Variants in POLR2B observed in about 807,000 individuals in gnomAD.
POLR2B encodes the protein RNA polymerase II subunit B.
Under a neutral mutation model 144.6 loss-of-function variants are expected in POLR2B, and 57 were observed. The ratio of observed to expected loss-of-function variants is 0.39; its 90% CI spans 0.32 to 0.49. The LOEUF is 0.49. Ranked by LOEUF, POLR2B falls within the 20% of genes least tolerant of loss-of-function variation. The pLI is 0.83. For synonymous variants in POLR2B, 442 were observed against 469.8 expected, an observed-to-expected ratio of 0.94 and a Z score of 0.77; for missense variants, 595 against 1,467.4, an observed-to-expected ratio of 0.41 and a Z score of 9.71.
rs773685110 is a variant in POLR2B, at chr4:57,023,599, A to G, written c.2766+19A>G. The G allele has an allele frequency of 6.2e-7, 1 of 1,612,572 alleles. No homozygotes were observed. The highest frequency in any genetic ancestry group is 8.5e-7 in the Non-Finnish European group (1 of 1,178,942). Reference sequence around the variant, plus strand: ...AATAAGGGTGAGTACAACTTTGTTCATGTAGCTAGTTTTAGAAAGTAAACC... The same window carrying G: ...AATAAGGGTGAGTACAACTTTGTTCGTGTAGCTAGTTTTAGAAAGTAAACC... On this transcript the variant is annotated intron_variant, in intron 19 of 24. Transcript: ENST00000314595. This position sits in a 1 kb window ranked among gnomAD's most constrained non-coding sequence, Gnocchi z 4.3.
chr4:57,016,788 A>G (rs1723381356), intron 14 of POLR2B, among the ~76,000 whole-genome samples: 1 of 149,824 alleles, frequency 6.7e-6, no homozygotes, highest in African/African-American at 2.4e-5. Flanking sequence ...TCACAAGTAT[A>G]TACTGGTAAC....
intron 1 of POLR2B, 123 bp downstream of exon 1, chr4:56,979,127 C>T: frequency 9.9e-7 from 1 of 1,006,952 alleles, no homozygotes; most frequent in Non-Finnish European, 1.6e-6. Flanking sequence ...AGCCTTGTTC[C>T]CACACTTACC....
chr4:56,985,417 T>TC (rs1051122447), intron 1 of POLR2B: 36 of 983,892 alleles, frequency 3.7e-5, no homozygotes, highest in Admixed American at 2.5e-4. Flanking sequence ...GGGATGGCAC[T>TC]CCCCCCCGCC....
chr4:57,008,543 A>C (rs1186319321), intron 10 of POLR2B, among the ~76,000 whole-genome samples: 2 of 152,008 alleles, frequency 1.3e-5, no homozygotes, highest in African/African-American at 2.4e-5. Context: ...TGTGCCAGGC[A>C]CTCTGCCACA....
intron 13 of POLR2B, among the ~76,000 whole-genome samples, chr4:57,012,209 A>G (rs1391394265): frequency 2.6e-5 from 4 of 152,136 alleles, no homozygotes; most frequent in Non-Finnish European, 5.9e-5. Context: ...GTTTGAGACC[A>G]GCCTGGCCAA....
rs370141611 is a variant in POLR2B at position 56,990,935 on chromosome 4, C to T, written c.243+37C>T. The T allele has an allele frequency of 1.6e-5, 25 of 1,544,516 alleles. No individual in the cohort carries two copies. The African/African-American group carries it at 1.7e-4, about 10-fold the overall frequency. On this transcript the variant is annotated intron_variant, in intron 3 of 24. Transcript: ENST00000314595. ...CTAATAGTTACACAGGTACAAGAAG[C>T]GTATTGGTTTGAAATTTTAGCCCTT... is the stretch of plus-strand genomic sequence containing the variant.
chr4:56,996,632 T>C (rs1282766091), intron 6 of POLR2B, among the ~76,000 whole-genome samples: 1 of 152,134 alleles, frequency 6.6e-6, no homozygotes, highest in Admixed American at 6.6e-5. Context: ...ATGTGATATT[T>C]TGATACGTGT....
At chr4:57,006,770 G>A (rs774374447) in intron 9 of POLR2B, 46 bp from the exon 10 acceptor site, 2 of 1,436,392 alleles carry the variant, frequency 1.4e-6, no homozygotes, top group Non-Finnish European at 1.9e-6. Context: ...GAGAATATAT[G>A]TTGTAGACCT....
chr4:57,019,524 A>C (rs1171460099), intron 16 of POLR2B, among the ~76,000 whole-genome samples: 1 of 152,082 alleles, frequency 6.6e-6, no homozygotes. Flanking sequence ...ATTTTTAAAA[A>C]AACTTTTAAC....
chr4:57,020,086 T>C (rs1000507423), intron 16 of POLR2B, among the ~76,000 whole-genome samples: 2 of 152,168 alleles, frequency 1.3e-5, no homozygotes, highest in African/African-American at 4.8e-5. Flanking sequence ...CAGGCTGGAG[T>C]GCAGTGGCAC....
At position 57,017,680 on chromosome 4, in the gene POLR2B, G is replaced by C; in HGVS notation, c.2275G>C (p.Val759Leu). The C allele has an allele frequency of 6.2e-7, 1 of 1,613,954 alleles. No individual in the cohort carries two copies. The highest frequency in any genetic ancestry group is 8.5e-7 in the Non-Finnish European group (1 of 1,179,878). Reference protein sequence around the residue: ...HVLYYPQKPLVTTRSMEYLRF... With the variant: ...HVLYYPQKPLLTTRSMEYLRF... Reference sequence around the variant, plus strand: ...TCTCTATTATCCTCAAAAGCCACTTGTGACTACACGGTCTATGGAATATCT... The same window carrying C: ...TCTCTATTATCCTCAAAAGCCACTTCTGACTACACGGTCTATGGAATATCT... Residue 759 changes from valine to leucine, a missense_variant, in exon 16 of 25, where the codon GTG (valine) becomes CTG (leucine). This residue lies in a region of POLR2B where 39 missense variants were observed against 174.3 expected (regional missense o/e 0.22). Transcript: ENST00000314595. The surrounding 1 kb of genome is among the most constrained non-coding windows in gnomAD (Gnocchi z 4.8).
chr4:57,001,208 C>T (rs1167540412), intron 7 of POLR2B, among the ~76,000 whole-genome samples: 3 of 151,380 alleles, frequency 2.0e-5, no homozygotes, highest in Non-Finnish European at 2.9e-5. Context: ...CGCGCTTTGT[C>T]GCCCAGGCTG....
intron 2 of POLR2B, among the ~76,000 whole-genome samples, chr4:56,989,972 A>C (rs1722463120): frequency 6.6e-6 from 1 of 152,106 alleles, no homozygotes; most frequent in African/African-American, 2.4e-5. Context: ...TTTTATCACC[A>C]GTCTTTTGCT....
rs752823671 is a variant in POLR2B, at chr4:56,990,856, A to G, written c.201A>G (p.Leu67=). The G allele has an allele frequency of 4.3e-6, 7 of 1,613,638 alleles. No individual in the cohort carries two copies. In the Admixed American group the frequency reaches 8.3e-5, roughly 19 times the overall value. The change falls in exon 3 of 25, where the codon CTA becomes CTG. Residue 67 remains leucine, a synonymous_variant. Transcript: ENST00000314595. ...RIVEDAPPID[L]QAEAQHASGE... The stretch of plus-strand genomic sequence containing the variant: ...TGGAAGACGCTCCTCCTATAGACCT[A>G]CAGGCTGAAGCTCAGCATGCTAGTG...
chr4:57,027,753 A>G (rs1440058252), intron 23 of POLR2B, among the ~76,000 whole-genome samples: 2 of 152,240 alleles, frequency 1.3e-5, no homozygotes, highest in Non-Finnish European at 2.9e-5. Context: ...CTTCAGATGT[A>G]TCTTTTACAC....
intron 6 of POLR2B, among the ~76,000 whole-genome samples, chr4:56,996,962 G>A (rs1259672209): frequency 6.6e-6 from 1 of 152,112 alleles, no homozygotes; most frequent in Non-Finnish European, 1.5e-5. Flanking sequence ...AGCTGGATGT[G>A]GTGGCAGGCA....
intron 1 of POLR2B, among the ~76,000 whole-genome samples, chr4:56,985,974 A>C (rs1031363383): frequency 2.6e-5 from 4 of 152,212 alleles, no homozygotes; most frequent in African/African-American, 9.6e-5. Context: ...ATACCTGTAC[A>C]TGTATGAAAT....
Position 57,015,493 on chromosome 4 carries a change from T to C in POLR2B, c.1801-9T>C. Reference sequence around the variant, plus strand: ...AATTTGTGGAACTGTTTTTTCTTTTTATATGTAGGTTTCTATGATCAGAGA... The same window carrying C: ...AATTTGTGGAACTGTTTTTTCTTTTCATATGTAGGTTTCTATGATCAGAGA... On this transcript the variant is annotated splice_polypyrimidine_tract_variant and intron_variant, in intron 13 of 24. Coordinates refer to ENST00000314595, the MANE Select transcript of POLR2B (RefSeq NM_000938.3). 1 of 1,336,644 alleles carries C rather than the reference T, an allele frequency of 7.5e-7. No individual in the cohort carries two copies. Among genetic ancestry groups the C allele is most frequent in the Non-Finnish European group, 9.8e-7 (1 of 1,021,084 alleles). 82.8% of individuals were successfully genotyped at this position (1,336,644 alleles called of 1,614,324 possible).
chr4:57,010,761 G>T lies in POLR2B; in HGVS notation c.1562G>T (p.Gly521Val). The T allele has an allele frequency of 6.2e-7, 1 of 1,605,370 alleles. No homozygotes were observed. Among genetic ancestry groups the T allele is most frequent in the South Asian group, 1.1e-5 (1 of 89,270 alleles). Residue 521 changes from glycine (G) to valine (V), a missense_variant, in exon 12 of 25, where the codon GGA becomes GTA. By Grantham distance (109) the Gly-to-Val change is moderately radical. This residue lies in a region of POLR2B where 7 missense variants were observed against 82.5 expected (regional missense o/e 0.08). Coordinates refer to ENST00000314595, the MANE Select transcript of POLR2B (RefSeq NM_000938.3). ...PAETPEGHAV[G>V]LVKNLALMAY... ...TTTATTTTTTAGGGCCATGCTGTAG[G>T]ACTTGTGAAGAATTTAGCCTTGATG...
Sources: gnomAD v4.1 joint callset for allele counts (sites outside exome capture counted in the v4.1 genomes callset) on GRCh38, gnomAD v4.1.1 for gene constraint, gnomAD v4.1.1 regional missense constraint, Gnocchi (gnomAD v3.1) non-coding constraint, MANE v1.5 for transcripts, NCBI Gene and HGNC (gene_info 2026-07-23, HGNC 2026-07-21) for gene names.